HTRA3: variants seen among roughly 807,000 people sequenced by gnomAD.
HTRA3 encodes HtrA serine peptidase 3, also known as serine protease HTRA3.
In HTRA3, 41 loss-of-function variants were observed where a neutral mutation model predicts 43.2. That is an observed-to-expected ratio of 0.95 (90% confidence interval 0.74 to 1.23). HTRA3 has a LOEUF of 1.23. Ranked by LOEUF, HTRA3 falls within the 50% of genes most tolerant of loss-of-function variation. The pLI is 0.00. For missense variants in HTRA3, 628 were observed against 647.1 expected, an observed-to-expected ratio of 0.97 and a Z score of 0.32; for synonymous variants, 295 against 287.9, an observed-to-expected ratio of 1.02 and a Z score of -0.25.
intron 3 of HTRA3, among the ~76,000 whole-genome samples, chr4:8,288,436 C>A (rs1713083202): frequency 6.6e-6 from 1 of 152,078 alleles, no homozygotes; most frequent in Non-Finnish European, 1.5e-5. Context: ...ACCACACTGG[C>A]CAATTTTTTT....
At position 8,279,692 on chromosome 4, in the gene HTRA3, T is replaced by C. The variant is rs1712667364; in HGVS notation, c.386-2745T>C. Among the ~76,000 whole-genome samples the C allele has an allele frequency of 6.6e-6, 1 of 152,176 alleles. No homozygotes were observed. Among genetic ancestry groups the C allele is most frequent in the Non-Finnish European group, 1.5e-5 (1 of 68,010 alleles). On this transcript the variant is annotated intron_variant, in intron 1 of 8. Transcript: ENST00000307358. The surrounding 1 kb of genome is among the most constrained non-coding windows in gnomAD (Gnocchi z 7.4). ...ATTCCTCCTTCTGCTGTGTTCACAC[T>C]GGGCCCAGGTCCCTGTGTGCCGTGG...
Position 8,297,649 on chromosome 4 carries a change from T to G in HTRA3, c.1051+3448T>G, listed in dbSNP as rs1237965347. ...ACTGTGGGAAGGGAGTGGGGCAGGC[T>G]CTGGAGATTGCAGGGGACTCCCAGG... On this transcript the variant is annotated intron_variant, in intron 6 of 8. Coordinates refer to ENST00000307358, the MANE Select transcript of HTRA3 (RefSeq NM_053044.5). This position sits in a 1 kb window ranked among gnomAD's most constrained non-coding sequence, Gnocchi z 5.8. 1.3e-5 allele frequency among the ~76,000 whole-genome samples: 2 copies of G among 151,892 alleles called. No homozygotes were observed. Among genetic ancestry groups the G allele is most frequent in the Non-Finnish European group, 2.9e-5 (2 of 67,934 alleles).
chr4:8,274,675 G>A lies in HTRA3; in HGVS notation c.385+4322G>A, dbSNP rs564105619. 4.6e-5 allele frequency among the ~76,000 whole-genome samples: 7 copies of A among 152,330 alleles called. No individual in the cohort carries two copies. In the East Asian group the frequency reaches 5.8e-4, roughly 13 times the overall value. On this transcript the variant is annotated intron_variant, in intron 1 of 8. Transcript: ENST00000307358. ...ACAGAGTGGATAAATGTCCATCCAC[G>A]GGATGGTAAAAGCAGGGATAAATGC...
At chr4:8,276,162 C>G (rs900856922) in intron 1 of HTRA3, among the ~76,000 whole-genome samples, 1 of 152,232 alleles carries the variant, frequency 6.6e-6, no homozygotes, top group Non-Finnish European at 1.5e-5. Flanking sequence ...ACATAATGGG[C>G]AGAGCACCAG....
In HTRA3 at chr4:8,287,676, G is replaced by A. The variant is rs143966363; in HGVS notation, c.708+893G>A. On this transcript the variant is annotated intron_variant, in intron 3 of 8. Coordinates refer to ENST00000307358, the MANE Select transcript of HTRA3 (RefSeq NM_053044.5). Reference sequence around the variant, plus strand: ...GATCCCATCACCTCCCACCAGGCCCGTCCCCCAACACATGGGGATTACAAT... The same window carrying A: ...GATCCCATCACCTCCCACCAGGCCCATCCCCCAACACATGGGGATTACAAT... Among the ~76,000 whole-genome samples the A allele has an allele frequency of 2.6e-3, 396 of 152,174 alleles. 2 individuals are homozygous for A. Among genetic ancestry groups the A allele is most frequent in the Admixed American group, 4.6e-3 (71 of 15,298 alleles).
At chr4:8,280,209 C>T (rs547036566) in intron 1 of HTRA3, among the ~76,000 whole-genome samples, 21 of 152,176 alleles carry the variant, frequency 1.4e-4, no homozygotes, top group South Asian at 6.2e-4. Context: ...GGGCTGTGCC[C>T]GTGCCCTGGC....
chr4:8,302,720 G>A (rs1052215242), intron 7 of HTRA3, among the ~76,000 whole-genome samples: 8 of 152,220 alleles, frequency 5.3e-5, no homozygotes, highest in Admixed American at 3.9e-4. Flanking sequence ...CTTTCAGGAC[G>A]CTATCTCTTT....
Position 8,292,328 on chromosome 4 carries a change from A to T in HTRA3, c.911A>T (p.Asn304Ile). The T allele has an allele frequency of 6.2e-7, 1 of 1,612,904 alleles. No individual in the cohort carries two copies. The highest frequency in any genetic ancestry group is 8.5e-7 in the Non-Finnish European group (1 of 1,179,562). ...IQTDAIINYG[N>I]SGGPLVNLDG... ...TGTTTCCTCCCCTTGCAGTACGGGA[A>T]CTCCGGGGGACCACTGGTGAACCTG... Residue 304 changes from asparagine to isoleucine, a missense_variant, in exon 5 of 9, where the codon AAC becomes ATC. By Grantham distance (149) the Asn-to-Ile change is moderately radical. Transcript: ENST00000307358.
intron 1 of HTRA3, among the ~76,000 whole-genome samples, chr4:8,281,910 C>T (rs769382740): frequency 2.5e-4 from 38 of 152,186 alleles, no homozygotes; most frequent in Non-Finnish European, 4.9e-4. Context: ...ACACTGTGTC[C>T]GGGCCTGGGT....
rs1346738297 is a variant in HTRA3 at position 8,297,026 on chromosome 4, C to A, written c.1051+2825C>A. The stretch of plus-strand genomic sequence containing the variant: ...CCCTGGTCTCAGAGTTCACAGGGTT[C>A]CCCAGCCTCAGAGGTCACAGGGTCC... On this transcript the variant is annotated intron_variant, in intron 6 of 8. Transcript: ENST00000307358. The surrounding 1 kb of genome is among the most constrained non-coding windows in gnomAD (Gnocchi z 5.8). Among the ~76,000 whole-genome samples the A allele has an allele frequency of 6.6e-6, 1 of 152,034 alleles. No homozygotes were observed. Among genetic ancestry groups the A allele is most frequent in the Non-Finnish European group, 1.5e-5 (1 of 68,006 alleles).
At chr4:8,275,062 C>G (rs1712464433) in intron 1 of HTRA3, among the ~76,000 whole-genome samples, 1 of 152,170 alleles carries the variant, frequency 6.6e-6, no homozygotes, top group Admixed American at 6.5e-5. Flanking sequence ...GGCTGCAGTG[C>G]TGAGCCACAG....
In HTRA3 at chr4:8,295,849, G is replaced by T. The variant is rs571679736; in HGVS notation, c.1051+1648G>T. 1.6e-6 allele frequency: 2 copies of T among 1,237,526 alleles called. No homozygotes were observed. Among genetic ancestry groups the T allele is most frequent in the Non-Finnish European group, 2.0e-6 (2 of 989,622 alleles). The allele number at this position is 1,237,526 out of a possible 1,614,324, so 76.7% of individuals were successfully genotyped here. ...AGCTGCTGTTGAGGATGCCGCCATT[G>T]TTCTTCTGTGTCCATTATGGGAAGA... On this transcript the variant is annotated intron_variant, in intron 6 of 8. Transcript: ENST00000307358. The surrounding 1 kb of genome is among the most constrained non-coding windows in gnomAD (Gnocchi z 6.9).
chr4:8,305,604 C>T (rs1288866568), intron 8 of HTRA3, among the ~76,000 whole-genome samples: 3 of 152,214 alleles, frequency 2.0e-5, no homozygotes, highest in Non-Finnish European at 4.4e-5. Flanking sequence ...TTCGTAACTG[C>T]AGTAACAGCA....
intron 1 of HTRA3, among the ~76,000 whole-genome samples, chr4:8,275,363 G>A (rs1179289949): frequency 5.3e-5 from 8 of 152,160 alleles, no homozygotes; most frequent in African/African-American, 1.2e-4. Flanking sequence ...TGGCTCCCAC[G>A]GCCTCAGGAC....
At chr4:8,304,643 G>GTTTTTTGTGTTTTTTTTT (rs1560144611) in intron 8 of HTRA3, among the ~76,000 whole-genome samples, 1 of 62,734 alleles carries the variant, frequency 1.6e-5, no homozygotes, top group Non-Finnish European at 2.8e-5. Flanking sequence ...TCAGCCTATT[G>GTTTTTTGTGTTTTTTTTT]TTTTTTTTTT....
At chr4:8,276,199 G>A (rs2153003810) in intron 1 of HTRA3, among the ~76,000 whole-genome samples, 1 of 152,336 alleles carries the variant, frequency 6.6e-6, no homozygotes, top group South Asian at 2.1e-4. Context: ...TGTCCCTCAT[G>A]TCTGGCTGCT....
chr4:8,290,413 C>CAGAGG (rs1713187401), intron 3 of HTRA3, among the ~76,000 whole-genome samples: 1 of 152,236 alleles, frequency 6.6e-6, no homozygotes, highest in African/African-American at 2.4e-5. Context: ...GGCATGGGGT[C>CAGAGG]CTGCCCCACT....
chr4:8,283,687 A>G (rs1044499857), intron 2 of HTRA3, among the ~76,000 whole-genome samples: 1 of 152,202 alleles, frequency 6.6e-6, no homozygotes. Context: ...TAGGGATCAG[A>G]CGGCGGGTCC....
intron 6 of HTRA3, among the ~76,000 whole-genome samples, chr4:8,300,688 A>G (rs1713604210): frequency 6.6e-6 from 1 of 151,984 alleles, no homozygotes; most frequent in South Asian, 2.1e-4. Context: ...TTTTATTTTC[A>G]CTATTGTGTT....
Sources: allele counts gnomAD v4.1 joint callset (sites outside exome capture counted in the v4.1 genomes callset), GRCh38; gene constraint gnomAD v4.1.1; non-coding constraint Gnocchi (gnomAD v3.1); transcripts MANE v1.5; gene names NCBI Gene and HGNC (gene_info 2026-07-23, HGNC 2026-07-21).